The following GRIK1 variants were observed in gnomAD, a reference collection of about 807,000 sequenced individuals.
GRIK1 encodes glutamate ionotropic receptor kainate type subunit 1.
Under a neutral mutation model 105.7 loss-of-function variants are expected in GRIK1, and 69 were observed. The ratio of observed to expected loss-of-function variants is 0.65; its 90% CI spans 0.54 to 0.80. The LOEUF is 0.80. GRIK1 is among the 30% of genes least tolerant of loss of function. GRIK1 has a pLI of 0.00. For missense variants in GRIK1, 1,109 were observed against 1,167.3 expected, an observed-to-expected ratio of 0.95 and a Z score of 0.73; for synonymous variants, 438 against 431.3, an observed-to-expected ratio of 1.02 and a Z score of -0.19.
chr21:29,915,404 T>G (rs2070961196), intron 1 of GRIK1, among the ~76,000 whole-genome samples: 1 of 152,042 alleles, frequency 6.6e-6, no homozygotes, highest in Non-Finnish European at 1.5e-5. Context: ...AATCATTAAT[T>G]CATTCATCCA....
intron 1 of GRIK1, among the ~76,000 whole-genome samples, chr21:29,911,845 T>G (rs1420302604): frequency 6.6e-6 from 1 of 152,086 alleles, no homozygotes; most frequent in Non-Finnish European, 1.5e-5. Context: ...CCTCTAGAAC[T>G]GAGAGAAATA....
chr21:29,661,891 C>A (rs1027351810), intron 4 of GRIK1, among the ~76,000 whole-genome samples: 2 of 152,194 alleles, frequency 1.3e-5, no homozygotes, highest in East Asian at 1.9e-4. Flanking sequence ...ACGTGTTAAC[C>A]ACATGCATGT....
At chr21:29,570,278 G>A (rs996582398) in intron 14 of GRIK1, among the ~76,000 whole-genome samples, 1 of 152,066 alleles carries the variant, frequency 6.6e-6, no homozygotes, top group Admixed American at 6.5e-5. Context: ...CGAAGCCGGT[G>A]GATTACAAGG....
intron 1 of GRIK1, among the ~76,000 whole-genome samples, chr21:29,813,169 G>T (rs1209309533): frequency 6.6e-6 from 1 of 152,102 alleles, no homozygotes; most frequent in Non-Finnish European, 1.5e-5. Context: ...GTGCTGCCAA[G>T]ATTTGGTGAC....
intron 2 of GRIK1, among the ~76,000 whole-genome samples, chr21:29,690,692 G>A (rs980802966): frequency 2.0e-5 from 3 of 152,124 alleles, no homozygotes; most frequent in Admixed American, 6.5e-5. Flanking sequence ...CTGACAGGTA[G>A]CCTAAATACA....
chr21:29,666,007 C>T (rs939938123), intron 4 of GRIK1, among the ~76,000 whole-genome samples: 2 of 152,194 alleles, frequency 1.3e-5, no homozygotes, highest in African/African-American at 4.8e-5. Flanking sequence ...AAATGGGTCT[C>T]CCAACTTTCA....
intron 1 of GRIK1, among the ~76,000 whole-genome samples, chr21:29,821,567 G>C (rs886360668): frequency 1.3e-5 from 2 of 151,992 alleles, no homozygotes; most frequent in Admixed American, 1.3e-4. Context: ...TCCTCATGGG[G>C]AGATATTAGT....
intron 1 of GRIK1, among the ~76,000 whole-genome samples, chr21:29,878,580 ACGT>A (rs1278434157): frequency 6.6e-6 from 1 of 152,158 alleles, no homozygotes; most frequent in Non-Finnish European, 1.5e-5. Context: ...TGTGTTTCAT[ACGT>A]TGAAATCTTA....
intron 14 of GRIK1, among the ~76,000 whole-genome samples, chr21:29,562,655 CAAAAAA>C (rs559992451): frequency 7.1e-6 from 1 of 141,508 alleles, no homozygotes; most frequent in Admixed American, 7.1e-5. Context: ...GACTCTGTCT[CAAAAAA>C]AAAAAGAAGA....
At chr21:29,563,992 A>G (rs939985005) in intron 14 of GRIK1, among the ~76,000 whole-genome samples, 5 of 152,138 alleles carry the variant, frequency 3.3e-5, no homozygotes, top group Non-Finnish European at 7.4e-5. Flanking sequence ...AATGATTTTA[A>G]TCTCATTTGA....
chr21:29,615,024 ATCC>A (rs2061816117), intron 7 of GRIK1, among the ~76,000 whole-genome samples: 1 of 151,672 alleles, frequency 6.6e-6, no homozygotes, highest in African/African-American at 2.4e-5. Flanking sequence ...GAACTAGTAC[ATCC>A]TAACTAAGTT....
At position 29,900,378 on chromosome 21, in the gene GRIK1, C is replaced by A. The variant is rs541546961; in HGVS notation, c.118+39005G>T. Among the ~76,000 whole-genome samples the A allele has an allele frequency of 1.3e-4, 19 of 150,224 alleles. No individual in the cohort carries two copies. In the South Asian group the frequency reaches 3.0e-3, roughly 23 times the overall value. On this transcript the variant is annotated intron_variant, in intron 1 of 17. Transcript: ENST00000327783. ...TCAAGACCCATTGGTGTGCTGTATT[C>A]AGGAGACCCATCTCACTTGCAAAGA...
At chr21:29,612,017 TAGCATGGAGC>T (rs2146375586) in intron 7 of GRIK1, among the ~76,000 whole-genome samples, 1 of 152,278 alleles carries the variant, frequency 6.6e-6, no homozygotes, top group African/African-American at 2.4e-5. Context: ...CTGGTTCACC[TAGCATGGAGC>T]AGCTTCTCCT....
intron 13 of GRIK1, among the ~76,000 whole-genome samples, chr21:29,580,217 G>A (rs188075817): frequency 4.7e-5 from 7 of 150,156 alleles, no homozygotes; most frequent in Non-Finnish European, 8.9e-5. Context: ...TATAGGGAAG[G>A]AGCAGGGGTC....
intron 7 of GRIK1, among the ~76,000 whole-genome samples, chr21:29,620,549 C>T (rs1018648423): frequency 4.6e-5 from 7 of 151,738 alleles, no homozygotes; most frequent in South Asian, 4.2e-4. Context: ...CCAGAGAGAT[C>T]GTCACCTATT....
intron 1 of GRIK1, among the ~76,000 whole-genome samples, chr21:29,778,172 G>A (rs2065998763): frequency 6.6e-6 from 1 of 152,144 alleles, no homozygotes. Context: ...TTTTGTCCCA[G>A]CTGAAGAAAA....
chr21:29,719,081 C>CATATATATATATATATATAT (rs71335089), intron 1 of GRIK1, among the ~76,000 whole-genome samples: 12 of 143,318 alleles, frequency 8.4e-5, no homozygotes, highest in Non-Finnish European at 1.1e-4. Flanking sequence ...TGTGTATATA[C>CATATATATATATATATATAT]ATATATATAT....
Position 29,819,142 on chromosome 21 carries a change from A to G in GRIK1, c.118+120241T>C, listed in dbSNP as rs558908164. The stretch of plus-strand genomic sequence containing the variant: ...ATTAATGGCAGTCTTATTTCAAGAT[A>G]CTATATATTGAAATACTATTCGACA... On this transcript the variant is annotated intron_variant, in intron 1 of 17. Transcript: ENST00000327783. Among the ~76,000 whole-genome samples the G allele has an allele frequency of 3.9e-5, 6 of 152,240 alleles. No individual in the cohort carries two copies. In the East Asian group the frequency reaches 7.7e-4, roughly 20 times the overall value.
chr21:29,829,269 T>C (rs1480062674), intron 1 of GRIK1, among the ~76,000 whole-genome samples: 1 of 152,216 alleles, frequency 6.6e-6, no homozygotes. Context: ...AACCTGTTTC[T>C]GGACCATTAT....
Sources: allele counts gnomAD v4.1 joint callset (sites outside exome capture counted in the v4.1 genomes callset), GRCh38; gene constraint gnomAD v4.1.1; transcripts MANE v1.5; gene names NCBI Gene and HGNC (gene_info 2026-07-23, HGNC 2026-07-21).